The following CPQ variants were observed in gnomAD, a reference collection of about 807,000 sequenced individuals.
CPQ encodes the protein carboxypeptidase Q.
CPQ carries 37 observed loss-of-function variants against 45.7 expected under a neutral mutation model. That is an observed-to-expected ratio of 0.81 (90% confidence interval 0.62 to 1.07). The LOEUF (loss-of-function observed/expected upper bound fraction) is 1.07, where lower values mean the gene tolerates loss of function less well. Ranked by LOEUF, CPQ falls within the 50% of genes least tolerant of loss-of-function variation. CPQ has a pLI of 0.00. For synonymous variants in CPQ, 186 were observed against 205.8 expected (o/e 0.90, Z 0.82); for missense variants, 537 against 572.9 (o/e 0.94, Z 0.64).
intron 5 of CPQ, among the ~76,000 whole-genome samples, chr8:97,007,800 T>C (rs1809411991): frequency 6.6e-6 from 1 of 152,178 alleles, no homozygotes; most frequent in South Asian, 2.1e-4. Flanking sequence ...ATGTTTTTCT[T>C]ATTTGGGAAC....
chr8:96,789,665 G>A (rs1810821241), intron 2 of CPQ, among the ~76,000 whole-genome samples: 1 of 152,210 alleles, frequency 6.6e-6, no homozygotes, highest in South Asian at 2.1e-4. Flanking sequence ...ACTTCTGAGA[G>A]GGTGCGGCCT....
intron 3 of CPQ, among the ~76,000 whole-genome samples, chr8:96,850,568 A>T (rs1319427405): frequency 7.0e-6 from 1 of 142,590 alleles, no homozygotes; most frequent in East Asian, 2.0e-4. Flanking sequence ...TTTTATTTTT[A>T]TTTTATTTTA....
At chr8:97,024,540 G>T (rs1809764871) in intron 5 of CPQ, among the ~76,000 whole-genome samples, 1 of 152,160 alleles carries the variant, frequency 6.6e-6, no homozygotes, top group African/African-American at 2.4e-5. Flanking sequence ...TGCCTTTAAA[G>T]AGAAGTAGTT....
chr8:96,705,644 C>G (rs1009161033), intron 1 of CPQ, among the ~76,000 whole-genome samples: 1 of 152,116 alleles, frequency 6.6e-6, no homozygotes, highest in Non-Finnish European at 1.5e-5. Context: ...AGTCTGGTGT[C>G]TACTTCATCA....
chr8:97,011,994 A>G (rs1237964667), intron 5 of CPQ, among the ~76,000 whole-genome samples: 1 of 152,238 alleles, frequency 6.6e-6, no homozygotes, highest in Non-Finnish European at 1.5e-5. Flanking sequence ...AGTTCTTCAC[A>G]TGAATGCAAA....
chr8:96,793,129 C>T (rs1810872307), intron 2 of CPQ, among the ~76,000 whole-genome samples: 1 of 151,908 alleles, frequency 6.6e-6, no homozygotes, highest in Admixed American at 6.6e-5. Context: ...TACTGTTGAG[C>T]CATCATCATT....
At chr8:96,768,456 C>T (rs1810497220) in intron 1 of CPQ, among the ~76,000 whole-genome samples, 1 of 152,058 alleles carries the variant, frequency 6.6e-6, no homozygotes, top group Non-Finnish European at 1.5e-5. Context: ...CACACTGTTG[C>T]AAATAAGTAT....
chr8:96,794,219 G>A (rs1399112657), intron 2 of CPQ, among the ~76,000 whole-genome samples: 1 of 152,186 alleles, frequency 6.6e-6, no homozygotes, highest in African/African-American at 2.4e-5. Context: ...TGGACATCCA[G>A]ATGTTTCCAT....
chr8:96,779,473 A>AAGTC (rs1810659899), intron 1 of CPQ, among the ~76,000 whole-genome samples: 1 of 152,176 alleles, frequency 6.6e-6, no homozygotes, highest in Admixed American at 6.6e-5. Context: ...AAGTCTGTGT[A>AAGTC]AGTCAGTCAG....
In CPQ at chr8:97,093,191, GA is replaced by G. The variant is rs370681165; in HGVS notation, c.1255+26987del. Among the ~76,000 whole-genome samples, 716 of 152,234 alleles carry G rather than the reference GA, an allele frequency of 4.7e-3. 6 individuals are homozygous for G. The highest frequency in any genetic ancestry group is 0.017 in the African/African-American group (686 of 41,538). On this transcript the variant is annotated intron_variant, in intron 7 of 7. Transcript: ENST00000220763. ...TAACAGATGCTGGCAAAGTTGCAGA[GA>G]AAAAAGAATACTTACACACTGCTGG...
intron 1 of CPQ, among the ~76,000 whole-genome samples, chr8:96,722,888 A>G (rs1358092623): frequency 1.3e-5 from 2 of 152,236 alleles, no homozygotes; most frequent in Non-Finnish European, 2.9e-5. Context: ...TGAAAGTGAC[A>G]CATAGAGCTT....
chr8:96,689,170 G>T (rs1447320316), intron 1 of CPQ, among the ~76,000 whole-genome samples: 1 of 152,152 alleles, frequency 6.6e-6, no homozygotes, highest in African/African-American at 2.4e-5. Context: ...CCCAAGACTA[G>T]CTTATGCTAA....
At chr8:96,648,804 G>A (rs1025562777) in intron 1 of CPQ, among the ~76,000 whole-genome samples, 1 of 152,162 alleles carries the variant, frequency 6.6e-6, no homozygotes, top group African/African-American at 2.4e-5. Context: ...TCCAAGAATG[G>A]AGAACAACAA....
intron 5 of CPQ, among the ~76,000 whole-genome samples, chr8:97,015,234 A>G (rs1174674372): frequency 6.6e-6 from 1 of 152,142 alleles, no homozygotes; most frequent in African/African-American, 2.4e-5. Context: ...TCAGAGTTCA[A>G]ATCTATTATT....
chr8:96,677,623 C>G (rs1235117367), intron 1 of CPQ, among the ~76,000 whole-genome samples: 1 of 152,030 alleles, frequency 6.6e-6, no homozygotes, highest in East Asian at 1.9e-4. Flanking sequence ...TGTGGGTTGT[C>G]TGTTTGCTCT....
At chr8:96,827,729 A>C (rs1402778513) in intron 2 of CPQ, among the ~76,000 whole-genome samples, 1 of 152,076 alleles carries the variant, frequency 6.6e-6, no homozygotes, top group African/African-American at 2.4e-5. Flanking sequence ...ATTTCACAGG[A>C]TAAAAAAAAG....
chr8:97,131,528 T>C (rs1357832874), intron 7 of CPQ, among the ~76,000 whole-genome samples: 1 of 152,234 alleles, frequency 6.6e-6, no homozygotes, highest in African/African-American at 2.4e-5. Context: ...TCTTGTGACC[T>C]TGACCCTGTG....
chr8:96,854,849 T>C (rs1811825664), intron 3 of CPQ, among the ~76,000 whole-genome samples: 2 of 151,900 alleles, frequency 1.3e-5, no homozygotes, highest in Non-Finnish European at 2.9e-5. Flanking sequence ...CAAGGAAGAG[T>C]TGACGTTTTA....
chr8:96,964,173 T>TACACACACACACACAC (rs71267285), intron 4 of CPQ, among the ~76,000 whole-genome samples: 17 of 133,404 alleles, frequency 1.3e-4, no homozygotes, highest in African/African-American at 4.6e-4. Flanking sequence ...GGTTAAAGTA[T>TACACACACACACACAC]ACACACACAC....
Sources: allele counts gnomAD v4.1 joint callset (sites outside exome capture counted in the v4.1 genomes callset), GRCh38; gene constraint gnomAD v4.1.1; transcripts MANE v1.5; gene names NCBI Gene and HGNC (gene_info 2026-07-23, HGNC 2026-07-21).